The following TRAPPC9 variants were observed in gnomAD, a reference collection of about 807,000 sequenced individuals.
TRAPPC9 encodes the protein IKK2 binding protein.
TRAPPC9 carries 83 observed loss-of-function variants against 124.0 expected under a neutral mutation model. The observed-to-expected ratio is 0.67, with a 90% CI of 0.56 to 0.80. TRAPPC9 has a LOEUF of 0.80. Among genes scored for constraint, TRAPPC9 ranks in the 30% least tolerant of loss-of-function variants. The pLI is 0.00. For missense variants in TRAPPC9, 1,302 were observed against 1,508.3 expected, an observed-to-expected ratio of 0.86 and a Z score of 2.27; for synonymous variants, 638 against 617.5, an observed-to-expected ratio of 1.03 and a Z score of -0.49.
chr8:140,340,729 A>G lies in TRAPPC9; in HGVS notation c.1495+19321T>C, dbSNP rs138859316. On this transcript the variant is annotated intron_variant, in intron 9 of 22. Transcript: ENST00000438773. Reference sequence around the variant, plus strand: ...AGCCCCTACTGTCCTCTGCTGAATTAAAGCATCATCGTCCCCTTCCTACAC... The same window carrying G: ...AGCCCCTACTGTCCTCTGCTGAATTGAAGCATCATCGTCCCCTTCCTACAC... 2.6e-3 allele frequency among the ~76,000 whole-genome samples: 401 copies of G among 152,352 alleles called. 3 individuals are homozygous for G. The highest frequency in any genetic ancestry group is 9.1e-3 in the African/African-American group (379 of 41,580).
At chr8:140,054,057 G>C (rs1178759299) in intron 17 of TRAPPC9, among the ~76,000 whole-genome samples, 1 of 152,158 alleles carries the variant, frequency 6.6e-6, no homozygotes, top group Non-Finnish European at 1.5e-5. Context: ...TATGCTAAGT[G>C]AATTAACACA....
intron 19 of TRAPPC9, among the ~76,000 whole-genome samples, chr8:139,972,101 C>T (rs2131614168): frequency 6.6e-6 from 1 of 152,288 alleles, no homozygotes; most frequent in Non-Finnish European, 1.5e-5. Context: ...GCTGGGATTA[C>T]AGGCGTGAGC....
chr8:140,089,640 A>G (rs1223503200), intron 17 of TRAPPC9, among the ~76,000 whole-genome samples: 3 of 152,148 alleles, frequency 2.0e-5, no homozygotes, highest in Non-Finnish European at 2.9e-5. Context: ...CTGTCTCCCC[A>G]AGAGACACTG....
chr8:140,077,364 G>C (rs1172834622), intron 17 of TRAPPC9, among the ~76,000 whole-genome samples: 2 of 152,102 alleles, frequency 1.3e-5, no homozygotes, highest in East Asian at 1.9e-4. Flanking sequence ...CTTGCTCTTA[G>C]GGAACATGTA....
At chr8:140,107,706 C>A (rs2060692009) in intron 17 of TRAPPC9, among the ~76,000 whole-genome samples, 1 of 152,204 alleles carries the variant, frequency 6.6e-6, no homozygotes, top group Admixed American at 6.5e-5. Flanking sequence ...GAAATCATTT[C>A]CTTGTGGCCA....
At chr8:140,236,103 G>A (rs1189505696) in intron 16 of TRAPPC9, among the ~76,000 whole-genome samples, 140 of 115,902 alleles carry the variant, frequency 1.2e-3, no homozygotes, top group African/African-American at 3.6e-3. Context: ...TTTTTTTTGA[G>A]ACAGAGTCTC....
Position 140,228,020 on chromosome 8 carries a change from G to A in TRAPPC9, c.2432-6437C>T, listed in dbSNP as rs190466067. On this transcript the variant is annotated intron_variant, in intron 16 of 22. Coordinates refer to ENST00000438773, the MANE Select transcript of TRAPPC9 (RefSeq NM_001160372.4). ...CAAGGTTGTTCTGTAGCACATCACT[G>A]GGTCAAAACTGTACACCATGCGTTC... 7.2e-5 allele frequency among the ~76,000 whole-genome samples: 11 copies of A among 152,312 alleles called. No individual in the cohort carries two copies. In the East Asian group the frequency reaches 1.9e-3, roughly 27 times the overall value.
intron 19 of TRAPPC9, among the ~76,000 whole-genome samples, chr8:139,952,897 G>A (rs1587327144): frequency 6.6e-6 from 1 of 152,202 alleles, no homozygotes; most frequent in East Asian, 1.9e-4. Flanking sequence ...CTTTACAGAT[G>A]TGGAAACTGA....
At chr8:140,078,506 A>T (rs1329751835) in intron 17 of TRAPPC9, among the ~76,000 whole-genome samples, 2 of 152,210 alleles carry the variant, frequency 1.3e-5, no homozygotes, top group Non-Finnish European at 2.9e-5. Flanking sequence ...ACAGAAGGCC[A>T]GAGGTGGGAT....
chr8:140,041,772 G>A (rs957425206), intron 17 of TRAPPC9, among the ~76,000 whole-genome samples: 2 of 152,222 alleles, frequency 1.3e-5, no homozygotes, highest in Non-Finnish European at 2.9e-5. Flanking sequence ...AGGAGTTCAA[G>A]ACCAGCCTGG....
intron 11 of TRAPPC9, among the ~76,000 whole-genome samples, chr8:140,297,906 C>G (rs1027923238): frequency 6.6e-6 from 1 of 152,200 alleles, no homozygotes; most frequent in Non-Finnish European, 1.5e-5. Context: ...ATAGGTCTGT[C>G]CCACACCTAC....
intron 21 of TRAPPC9, among the ~76,000 whole-genome samples, chr8:139,831,218 A>G (rs980355951): frequency 3.3e-5 from 5 of 152,148 alleles, no homozygotes; most frequent in African/African-American, 1.2e-4. Context: ...GGGGCAGAAG[A>G]CAGCCGCCCA....
chr8:140,286,977 G>C (rs1462714915), intron 13 of TRAPPC9, among the ~76,000 whole-genome samples: 3 of 152,120 alleles, frequency 2.0e-5, no homozygotes, highest in Admixed American at 6.5e-5. Flanking sequence ...GAAGACAAAA[G>C]AGACCCAAAC....
rs1032848902 is a variant in TRAPPC9 at position 140,353,203 on chromosome 8, A to G, written c.1495+6847T>C. On this transcript the variant is annotated intron_variant, in intron 9 of 22. Transcript: ENST00000438773. This position sits in a 1 kb window ranked among gnomAD's most constrained non-coding sequence, Gnocchi z 4.2. ...ACCATCTATACTCTAGCGTGAGAAC[A>G]TCACACTCCCTGCCATCCTAACCTG... Among the ~76,000 whole-genome samples, 2 of 152,322 alleles carry G rather than the reference A, an allele frequency of 1.3e-5. No individual in the cohort carries two copies. Among genetic ancestry groups the G allele is most frequent in the Admixed American group, 1.3e-4 (2 of 15,304 alleles).
chr8:140,231,286 G>T (rs1054757009), intron 16 of TRAPPC9, among the ~76,000 whole-genome samples: 8 of 152,250 alleles, frequency 5.3e-5, no homozygotes, highest in Non-Finnish European at 1.0e-4. Context: ...GTTGTGTCAT[G>T]TGGCAGCCAA....
chr8:140,369,726 C>CAGGT (rs2068223970), intron 8 of TRAPPC9, among the ~76,000 whole-genome samples: 6 of 151,970 alleles, frequency 3.9e-5, no homozygotes, highest in Non-Finnish European at 7.4e-5. Context: ...CCAAAGTGGG[C>CAGGT]GGATCACCTG....
At position 140,221,508 on chromosome 8, in the gene TRAPPC9, G is replaced by T. The variant is rs995567618; in HGVS notation, c.2507C>A (p.Pro836His). 3 of 1,614,008 alleles carry T rather than the reference G, an allele frequency of 1.9e-6. No individual in the cohort carries two copies. Among genetic ancestry groups the T allele is most frequent in the South Asian group, 1.1e-5 (1 of 91,080 alleles). Reference protein sequence around the residue: ...QVVRPRVEGKPVNPPESNKAG... With the variant: ...QVVRPRVEGKHVNPPESNKAG... ...TTTGTTGCTCTCGGGTGGGTTCACAGGTTTGCCCTCCACTCGGGGCCGAAC... is the reference window on the plus strand; with the variant it reads ...TTTGTTGCTCTCGGGTGGGTTCACATGTTTGCCCTCCACTCGGGGCCGAAC... The change falls in exon 17 of 23, where the codon CCT (proline) becomes CAT (histidine). Residue 836 changes from proline (P) to histidine (H), a missense_variant. Pro to His is a moderately conservative substitution (Grantham distance 77). This residue lies in a region of TRAPPC9 where 640 missense variants were observed against 679.3 expected (regional missense o/e 0.94). Transcript: ENST00000438773.
intron 20 of TRAPPC9, chr8:139,908,641 C>G (rs940137380): frequency 2.0e-5 from 3 of 152,334 alleles, no homozygotes; most frequent in Admixed American, 2.0e-4. Flanking sequence ...GGCCCTACCC[C>G]TCATGGCTGA....
At chr8:140,123,528 G>A (rs2130634124) in intron 17 of TRAPPC9, among the ~76,000 whole-genome samples, 1 of 152,194 alleles carries the variant, frequency 6.6e-6, no homozygotes, top group East Asian at 1.9e-4. Flanking sequence ...TGGGCATCTG[G>A]GGTACTGACA....
Sources: gnomAD v4.1 joint callset for allele counts (sites outside exome capture counted in the v4.1 genomes callset) on GRCh38, gnomAD v4.1.1 for gene constraint, gnomAD v4.1.1 regional missense constraint, Gnocchi (gnomAD v3.1) non-coding constraint, MANE v1.5 for transcripts, NCBI Gene and HGNC (gene_info 2026-07-23, HGNC 2026-07-21) for gene names.